Variants in FRAS1 observed in about 807,000 individuals in gnomAD.
FRAS1 encodes Fraser extracellular matrix complex subunit 1, also known as extracellular matrix organizing protein FRAS1.
FRAS1 carries 290 observed loss-of-function variants against 435.2 expected under a neutral mutation model. That is an observed-to-expected ratio of 0.67 (90% confidence interval 0.61 to 0.73). The LOEUF (loss-of-function observed/expected upper bound fraction) is 0.73, where lower values mean the gene tolerates loss of function less well. Among genes scored for constraint, FRAS1 ranks in the 30% least tolerant of loss-of-function variants. FRAS1 has a pLI of 0.00. For synonymous variants in FRAS1, 1,800 were observed against 1,851.0 expected, an observed-to-expected ratio of 0.97 and a Z score of 0.71; for missense variants, 4,860 against 5,001.5, an observed-to-expected ratio of 0.97 and a Z score of 0.85.
chr4:78,075,202 A>G (rs1457989885), intron 2 of FRAS1, among the ~76,000 whole-genome samples: 1 of 152,188 alleles, frequency 6.6e-6, no homozygotes, highest in Non-Finnish European at 1.5e-5. Context: ...CTCCATTAAT[A>G]GAAGATTTTG....
intron 1 of FRAS1, among the ~76,000 whole-genome samples, chr4:78,065,518 A>C (rs554956171): frequency 6.6e-5 from 10 of 152,244 alleles, no homozygotes; most frequent in African/African-American, 2.2e-4. Flanking sequence ...TTGACTAGAC[A>C]AAGTACATCT....
At chr4:78,297,937 A>G (rs1440449088) in intron 14 of FRAS1, among the ~76,000 whole-genome samples, 2 of 151,386 alleles carry the variant, frequency 1.3e-5, no homozygotes, top group Non-Finnish European at 2.9e-5. Flanking sequence ...TCAGTAGATT[A>G]TAGCTGTTCT....
At chr4:78,276,356 G>A (rs1288993254) in intron 9 of FRAS1, among the ~76,000 whole-genome samples, 3 of 152,228 alleles carry the variant, frequency 2.0e-5, no homozygotes, top group Non-Finnish European at 2.9e-5. Flanking sequence ...CATTGCTGGC[G>A]AGGAGCTGTG....
At chr4:78,473,668 G>A in intron 53 of FRAS1, 71 bp downstream of exon 53, 1 of 1,256,966 alleles carries the variant, frequency 8.0e-7, no homozygotes. Context: ...GATGAAGGAT[G>A]CTGGGGGGCA....
At chr4:78,535,282 C>G (rs986675739) in intron 71 of FRAS1, among the ~76,000 whole-genome samples, 3 of 152,148 alleles carry the variant, frequency 2.0e-5, no homozygotes, top group Non-Finnish European at 4.4e-5. Flanking sequence ...CTGGTCATCC[C>G]CATGGCTTGG....
chr4:78,114,758 G>A (rs538070982), intron 2 of FRAS1, among the ~76,000 whole-genome samples: 4 of 152,304 alleles, frequency 2.6e-5, no homozygotes, highest in African/African-American at 9.6e-5. Flanking sequence ...TAGATATACA[G>A]TCATGTCATC....
chr4:78,411,455 A>AT (rs1733333109), intron 31 of FRAS1, among the ~76,000 whole-genome samples: 1 of 152,198 alleles, frequency 6.6e-6, no homozygotes, highest in South Asian at 2.1e-4. Context: ...ATGTGCTGTC[A>AT]TGAGCCATCA....
chr4:78,372,868 T>G lies in FRAS1; in HGVS notation c.3010+10T>G, dbSNP rs374366837. 1 of 1,611,754 alleles carries G rather than the reference T, an allele frequency of 6.2e-7. No homozygotes were observed. The highest frequency in any genetic ancestry group is 8.5e-7 in the Non-Finnish European group (1 of 1,179,558). On this transcript the variant is annotated intron_variant, in intron 24 of 73. Coordinates refer to ENST00000512123, the MANE Select transcript of FRAS1 (RefSeq NM_025074.7). ...TCGGGCCTCTGCAAGAGTAAGTGTGTAGAGGCCCTGCTCTGTGCTCAGCCA... is the reference window on the plus strand; with the variant it reads ...TCGGGCCTCTGCAAGAGTAAGTGTGGAGAGGCCCTGCTCTGTGCTCAGCCA...
At chr4:78,346,699 A>G (rs924276692) in intron 20 of FRAS1, among the ~76,000 whole-genome samples, 2 of 152,154 alleles carry the variant, frequency 1.3e-5, no homozygotes, top group African/African-American at 4.8e-5. Flanking sequence ...ATTATCTGAT[A>G]AAACAAAACA....
At chr4:78,249,003 G>GT (rs1348198708) in intron 4 of FRAS1, among the ~76,000 whole-genome samples, 1 of 123,700 alleles carries the variant, frequency 8.1e-6, no homozygotes, top group African/African-American at 3.0e-5. Context: ...CTACTACAGT[G>GT]TTTATAAAAA....
At chr4:78,228,131 GTGTAGC>G (rs1724351864) in intron 2 of FRAS1, among the ~76,000 whole-genome samples, 1 of 152,080 alleles carries the variant, frequency 6.6e-6, no homozygotes, top group Non-Finnish European at 1.5e-5. Context: ...AGAGATAATG[GTGTAGC>G]TATAATTTAA....
intron 3 of FRAS1, among the ~76,000 whole-genome samples, chr4:78,240,653 C>T (rs1033472466): frequency 3.3e-5 from 5 of 152,106 alleles, no homozygotes; most frequent in East Asian, 3.9e-4. Context: ...TCAGAGGAGA[C>T]GATGGGGCTG....
intron 2 of FRAS1, among the ~76,000 whole-genome samples, chr4:78,073,667 T>G (rs1224565761): frequency 6.6e-6 from 1 of 152,220 alleles, no homozygotes; most frequent in Non-Finnish European, 1.5e-5. Flanking sequence ...CACCTTATGG[T>G]ATTATCATGT....
chr4:78,472,375 A>C (rs772485044), intron 52 of FRAS1, 45 bp downstream of exon 52: 2 of 1,503,768 alleles, frequency 1.3e-6, no homozygotes, highest in Admixed American at 2.1e-5. Context: ...ATCTATGCTA[A>C]TGTCACACTG....
chr4:78,255,369 T>C lies in FRAS1; in HGVS notation c.597T>C (p.Cys199=), dbSNP rs763936994. The change falls in exon 6 of 74, where the codon TGT becomes TGC. Residue 199 remains cysteine (C), a synonymous_variant. Coordinates refer to ENST00000512123, the MANE Select transcript of FRAS1 (RefSeq NM_025074.7). ...CFTAQCQPLF[C]NQDETVVRVP... ...CAGCTCAGTGTCAGCCTCTATTTTG[T>C]AACCAGGTAAGGAAGACAACCTCAG... is the stretch of plus-strand genomic sequence containing the variant. 3.8e-5 allele frequency: 61 copies of C among 1,591,622 alleles called. No homozygotes were observed. The highest frequency in any genetic ancestry group is 5.2e-5 in the Non-Finnish European group (61 of 1,168,390).
chr4:78,307,100 T>G lies in FRAS1; in HGVS notation c.1535-966T>G, dbSNP rs904111960. Among the ~76,000 whole-genome samples the G allele has an allele frequency of 2.8e-3, 429 of 152,090 alleles. 1 individual carries two copies. The Middle Eastern group carries it at 0.031, about 11-fold the overall frequency. ...CTTCTAACAGACAGGACCCTCAGCTTCAGGTCTGTTGGAGTACCCGGCACT... is the reference window on the plus strand; with the variant it reads ...CTTCTAACAGACAGGACCCTCAGCTGCAGGTCTGTTGGAGTACCCGGCACT... On this transcript the variant is annotated intron_variant, in intron 14 of 73. Transcript: ENST00000512123.
At chr4:78,515,744 G>A (rs1381415029) in intron 65 of FRAS1, 55 bp from the exon 66 acceptor site, 2 of 1,542,840 alleles carry the variant, frequency 1.3e-6, no homozygotes, top group South Asian at 2.2e-5. Flanking sequence ...ACCCCACCCT[G>A]CTCCTTGGCA....
chr4:78,374,184 G>A lies in FRAS1; in HGVS notation c.3084G>A (p.Leu1028=). ...CTRCKGPFLL[L]EAQCVQECGK... is the part of the protein sequence containing the mutation. The stretch of plus-strand genomic sequence containing the variant: ...GCTGCAAAGGGCCATTTCTCCTCTT[G>A]GAAGCCCAGTGTGTCCAGGAATGTG... Residue 1028 remains leucine, a synonymous_variant, in exon 25 of 74, where the codon TTG becomes TTA. Transcript: ENST00000512123. The A allele has an allele frequency of 6.2e-7, 1 of 1,607,082 alleles. No homozygotes were observed. Among genetic ancestry groups the A allele is most frequent in the Non-Finnish European group, 8.5e-7 (1 of 1,175,042 alleles).
At chr4:78,262,887 CT>C (rs1298939379) in intron 6 of FRAS1, among the ~76,000 whole-genome samples, 1 of 119,594 alleles carries the variant, frequency 8.4e-6, no homozygotes. Context: ...CATTTTTAGC[CT>C]TGTGTGCCAT....
Sources: allele counts gnomAD v4.1 joint callset (sites outside exome capture counted in the v4.1 genomes callset), GRCh38; gene constraint gnomAD v4.1.1; transcripts MANE v1.5; gene names NCBI Gene and HGNC (gene_info 2026-07-23, HGNC 2026-07-21).